SUSD3: variants seen among roughly 807,000 people sequenced by gnomAD.
SUSD3 encodes sushi domain containing 3.
Under a neutral mutation model 20.6 loss-of-function variants are expected in SUSD3, and 18 were observed. The ratio of observed to expected loss-of-function variants is 0.87; its 90% CI spans 0.60 to 1.30. The LOEUF is 1.30. SUSD3 is among the 50% of genes most tolerant of loss of function. The probability of loss-of-function intolerance (pLI) is 0.00; values close to 1 mark genes in which losing one functional copy is unlikely to be tolerated. For missense variants in SUSD3, 306 were observed against 346.9 expected, an observed-to-expected ratio of 0.88 and a Z score of 0.94; for synonymous variants, 137 against 141.5, an observed-to-expected ratio of 0.97 and a Z score of 0.23.
At chr9:93,077,717 C>T in intron 2 of SUSD3, 129 bp from the exon 3 acceptor site, 1 of 895,968 alleles carries the variant, frequency 1.1e-6, no homozygotes, top group Admixed American at 2.5e-5. Context: ...GCAAACAGGG[C>T]TCACTGAGGG....
chr9:93,064,707 C>G (rs1825640844), intron 1 of SUSD3, among the ~76,000 whole-genome samples: 1 of 152,194 alleles, frequency 6.6e-6, no homozygotes, highest in Non-Finnish European at 1.5e-5. Context: ...GCTGCTCCTT[C>G]TAAAACACAC....
Position 93,084,744 on chromosome 9 carries a change from G to T in SUSD3, c.765G>T (p.Gly255=). ...AACAGCCCGCAGCATATGCCCTAGG[G>T]TGACCACGCAGTGAGGCTGGTGCCC... ...MPQQPAAYAL[G] Residue 255 remains glycine, a synonymous_variant, in exon 5 of 5, where the codon GGG becomes GGT. Transcript: ENST00000375472. The T allele has an allele frequency of 2.0e-6, 3 of 1,513,856 alleles. No individual in the cohort carries two copies. The highest frequency in any genetic ancestry group is 2.7e-6 in the Non-Finnish European group (3 of 1,129,264). The allele number at this position is 1,513,856 out of a possible 1,614,324, so 93.8% of individuals were successfully genotyped here.
At chr9:93,070,889 ATTG>A (rs1433985122) in intron 1 of SUSD3, among the ~76,000 whole-genome samples, 1 of 152,000 alleles carries the variant, frequency 6.6e-6, no homozygotes, top group Non-Finnish European at 1.5e-5. Context: ...TTCTATTATT[ATTG>A]TTGCTGATAT....
In SUSD3 at chr9:93,084,727, G is replaced by A. The variant is rs145889796; in HGVS notation, c.748G>A (p.Ala250Thr). The change falls in exon 5 of 5, where the codon GCA becomes ACA. Residue 250 changes from alanine (A) to threonine (T), a missense_variant. Physicochemically the swap from Ala to Thr is moderately conservative, Grantham distance 58. Coordinates refer to ENST00000375472, the MANE Select transcript of SUSD3 (RefSeq NM_145006.4). ...GGCCACAGGAATGCCACAACAGCCC[G>A]CAGCATATGCCCTAGGGTGACCACG... ...GLATGMPQQPAAYALG is the reference protein window; with the variant it reads ...GLATGMPQQPTAYALG 42 of 1,583,264 alleles carry A rather than the reference G, an allele frequency of 2.7e-5. No individual in the cohort carries two copies. Among genetic ancestry groups the A allele is most frequent in the Middle Eastern group, 3.4e-4 (2 of 5,898 alleles).
chr9:93,073,174 A>G (rs552504487), intron 1 of SUSD3, among the ~76,000 whole-genome samples: 2 of 150,586 alleles, frequency 1.3e-5, no homozygotes, highest in South Asian at 4.2e-4. Context: ...GTGGCCCTTC[A>G]CCACTGCTGC....
chr9:93,065,511 T>C (rs1022055362), intron 1 of SUSD3, among the ~76,000 whole-genome samples: 1 of 152,152 alleles, frequency 6.6e-6, no homozygotes, highest in African/African-American at 2.4e-5. Context: ...AGGGCCGCAG[T>C]GGGCTGGGAA....
At chr9:93,078,492 T>C (rs951166344) in intron 3 of SUSD3, among the ~76,000 whole-genome samples, 7 of 152,196 alleles carry the variant, frequency 4.6e-5, no homozygotes, top group African/African-American at 1.7e-4. Flanking sequence ...ACTCCTGACC[T>C]CTGGTGATCC....
intron 1 of SUSD3, among the ~76,000 whole-genome samples, chr9:93,067,987 G>A (rs546874852): frequency 2.5e-4 from 38 of 152,292 alleles, no homozygotes; most frequent in African/African-American, 8.7e-4. Context: ...GAATCTTCTT[G>A]TGCTTATTGG....
intron 2 of SUSD3, 44 bp from the exon 3 acceptor site, chr9:93,077,802 C>T (rs761166925): frequency 5.0e-6 from 8 of 1,611,646 alleles, no homozygotes; most frequent in Middle Eastern, 1.7e-4. Flanking sequence ...CCAAGCAAAT[C>T]TGGGCAAACC....
intron 1 of SUSD3, among the ~76,000 whole-genome samples, chr9:93,074,664 G>C (rs982278530): frequency 7.3e-6 from 1 of 137,760 alleles, no homozygotes; most frequent in Admixed American, 7.9e-5. Flanking sequence ...TCTGTTGCCA[G>C]GCTGGAGTGC....
At chr9:93,066,809 A>T (rs1009786899) in intron 1 of SUSD3, among the ~76,000 whole-genome samples, 1 of 151,832 alleles carries the variant, frequency 6.6e-6, no homozygotes, top group Non-Finnish European at 1.5e-5. Context: ...CCCGGGTTCA[A>T]GCGATTCCCC....
intron 1 of SUSD3, among the ~76,000 whole-genome samples, chr9:93,068,302 TTTC>T (rs1173849928): frequency 6.6e-6 from 1 of 152,230 alleles, no homozygotes; most frequent in Non-Finnish European, 1.5e-5. Context: ...TTCCCTATGT[TTTC>T]TTCTAAGAGT....
chr9:93,072,949 C>T (rs1825966828), intron 1 of SUSD3, among the ~76,000 whole-genome samples: 1 of 152,090 alleles, frequency 6.6e-6, no homozygotes, highest in South Asian at 2.1e-4. Context: ...TCATCTCAGG[C>T]TCGGTGGGCA....
intron 1 of SUSD3, chr9:93,069,275 G>A (rs990754769): frequency 1.7e-6 from 1 of 601,878 alleles, no homozygotes; most frequent in Non-Finnish European, 3.0e-6. Context: ...TGATACTGCA[G>A]TGCTTGTGTT....
At chr9:93,073,466 T>C (rs552492376) in intron 1 of SUSD3, among the ~76,000 whole-genome samples, 1 of 152,160 alleles carries the variant, frequency 6.6e-6, no homozygotes, top group South Asian at 2.1e-4. Flanking sequence ...GCCAGGATGG[T>C]CTCAATCTCC....
At chr9:93,065,694 A>T (rs1311278983) in intron 1 of SUSD3, among the ~76,000 whole-genome samples, 1 of 152,216 alleles carries the variant, frequency 6.6e-6, no homozygotes, top group African/African-American at 2.4e-5. Flanking sequence ...GCATATACAG[A>T]TCCCAAGATC....
chr9:93,067,304 A>G (rs1477803353), intron 1 of SUSD3, among the ~76,000 whole-genome samples: 1 of 152,190 alleles, frequency 6.6e-6, no homozygotes, highest in Non-Finnish European at 1.5e-5. Context: ...GATAAACCAC[A>G]TTTTGTTTAT....
Position 93,080,332 on chromosome 9 carries a change from A to AC in SUSD3, c.557+730_557+731insC, listed in dbSNP as rs1235484408. Among the ~76,000 whole-genome samples the AC allele has an allele frequency of 3.3e-5, 5 of 151,534 alleles. No homozygotes were observed. The East Asian group carries it at 9.7e-4, about 29-fold the overall frequency. ...AGACTCCGTCTCAAAAAAAAAAAAA[A>AC]AAAAAAAACAAAACTAACAGAAATC... On this transcript the variant is annotated intron_variant, in intron 4 of 4. Transcript: ENST00000375472.
At chr9:93,077,708 C>A in intron 2 of SUSD3, 138 bp from the exon 3 acceptor site, 1 of 807,192 alleles carries the variant, frequency 1.2e-6, no homozygotes, top group Non-Finnish European at 1.9e-6. Flanking sequence ...CCTTACCATG[C>A]AAACAGGGCT....
Sources: gnomAD v4.1 joint callset for allele counts (sites outside exome capture counted in the v4.1 genomes callset) on GRCh38, gnomAD v4.1.1 for gene constraint, MANE v1.5 for transcripts, NCBI Gene and HGNC (gene_info 2026-07-23, HGNC 2026-07-21) for gene names.